Variants in ROBO2 observed in about 807,000 individuals in gnomAD.
ROBO2 encodes roundabout homolog 2.
Under a neutral mutation model 160.8 loss-of-function variants are expected in ROBO2, and 53 were observed. The observed-to-expected ratio is 0.33, with a 90% CI of 0.26 to 0.41. The LOEUF (loss-of-function observed/expected upper bound fraction) is 0.41, where lower values mean the gene tolerates loss of function less well. ROBO2 is among the 10% of genes least tolerant of loss of function. The pLI, the probability that ROBO2 is intolerant of heterozygous loss-of-function variation, is 1.00. For missense variants in ROBO2, 1,577 were observed against 1,722.4 expected, an observed-to-expected ratio of 0.92 and a Z score of 1.49; for synonymous variants, 664 against 611.7, an observed-to-expected ratio of 1.09 and a Z score of -1.26.
intron 2 of ROBO2, among the ~76,000 whole-genome samples, chr3:77,222,391 C>T (rs1233050226): frequency 2.0e-5 from 3 of 152,114 alleles, no homozygotes; most frequent in Non-Finnish European, 4.4e-5. Context: ...TACCGATAAC[C>T]TGTCAGAATT....
At chr3:77,362,720 G>C (rs944137672) in intron 2 of ROBO2, among the ~76,000 whole-genome samples, 1 of 152,092 alleles carries the variant, frequency 6.6e-6, no homozygotes, top group African/African-American at 2.4e-5. Context: ...CCCAAGACTG[G>C]GTAATTTATA....
intron 2 of ROBO2, chr3:76,435,224 A>T (rs2076616355): frequency 9.3e-6 from 14 of 1,508,762 alleles, no homozygotes; most frequent in Admixed American, 1.7e-5. Context: ...TGCCAACCAT[A>T]TCCATCAACA....
chr3:76,512,308 T>TTATATATATATATGTA (rs1553779774), intron 2 of ROBO2, among the ~76,000 whole-genome samples: 1 of 120,642 alleles, frequency 8.3e-6, no homozygotes, highest in Non-Finnish European at 1.8e-5. Flanking sequence ...TTGCAGAAAT[T>TTATATATATATATGTA]TATATATATA....
chr3:77,296,568 C>G (rs1016213155), intron 2 of ROBO2, among the ~76,000 whole-genome samples: 2 of 152,066 alleles, frequency 1.3e-5, no homozygotes, highest in Non-Finnish European at 2.9e-5. Flanking sequence ...AGTCCCATGT[C>G]TAGAGTCTAA....
chr3:76,043,876 T>G (rs1447472519), intron 2 of ROBO2, among the ~76,000 whole-genome samples: 1 of 151,990 alleles, frequency 6.6e-6, no homozygotes, highest in Non-Finnish European at 1.5e-5. Flanking sequence ...CGGATCACTT[T>G]GCCCTGCTGT....
At chr3:77,535,497 C>T (rs138365671) in intron 6 of ROBO2, among the ~76,000 whole-genome samples, 1 of 152,120 alleles carries the variant, frequency 6.6e-6, no homozygotes, top group Non-Finnish European at 1.5e-5. Context: ...AGAAGTTTTT[C>T]ACCACTTTAA....
At chr3:77,441,592 T>A (rs1354947227) in intron 2 of ROBO2, among the ~76,000 whole-genome samples, 1 of 152,080 alleles carries the variant, frequency 6.6e-6, no homozygotes, top group African/African-American at 2.4e-5. Context: ...TAAAATGAGC[T>A]GTACTGCATA....
In ROBO2 at chr3:76,356,353, A is replaced by G. The variant is rs116632966; in HGVS notation, c.109+418751A>G. ...ACAATTATATCAATAATTATGCTAA[A>G]CAGGGATAGAATTAAGAAAAAAAAG... On this transcript the variant is annotated intron_variant, in intron 2 of 26. Coordinates refer to the ROBO2 transcript ENST00000487694. 7.9e-3 allele frequency among the ~76,000 whole-genome samples: 1,200 copies of G among 151,804 alleles called. 14 individuals carry two copies. The highest frequency in any genetic ancestry group is 0.028 in the African/African-American group (1,158 of 41,502).
chr3:77,523,696 T>G (rs761003996), intron 6 of ROBO2, among the ~76,000 whole-genome samples: 7 of 151,378 alleles, frequency 4.6e-5, no homozygotes, highest in Non-Finnish European at 8.9e-5. Flanking sequence ...ACACTCACAC[T>G]AATTCTTGAA....
intron 2 of ROBO2, among the ~76,000 whole-genome samples, chr3:77,203,482 T>A (rs1289821178): frequency 1.3e-5 from 2 of 152,194 alleles, no homozygotes; most frequent in Non-Finnish European, 2.9e-5. Flanking sequence ...ATAAGGAAGA[T>A]TGATGTGTAA....
At chr3:76,325,221 A>G (rs976945089) in intron 2 of ROBO2, among the ~76,000 whole-genome samples, 27 of 152,356 alleles carry the variant, frequency 1.8e-4, no homozygotes, top group African/African-American at 6.0e-4. Flanking sequence ...GTATTTCCAT[A>G]TTTTATAATA....
intron 2 of ROBO2, among the ~76,000 whole-genome samples, chr3:77,315,265 G>A (rs1560513751): frequency 6.6e-6 from 1 of 152,152 alleles, no homozygotes; most frequent in Admixed American, 6.5e-5. Context: ...ACATAAACAA[G>A]CACACAATTT....
At chr3:76,535,599 A>G (rs1177872138) in intron 2 of ROBO2, among the ~76,000 whole-genome samples, 6 of 152,142 alleles carry the variant, frequency 3.9e-5, no homozygotes, top group African/African-American at 1.4e-4. Flanking sequence ...AGGGAAGCAG[A>G]TAATTTGTTT....
chr3:77,469,755 T>A (rs1204665555), intron 2 of ROBO2, among the ~76,000 whole-genome samples: 1 of 152,190 alleles, frequency 6.6e-6, no homozygotes. Flanking sequence ...AAATTGTTCT[T>A]CATAAATGAC....
intron 1 of ROBO2, among the ~76,000 whole-genome samples, chr3:77,082,071 A>G (rs771587721): frequency 6.6e-6 from 1 of 152,208 alleles, no homozygotes; most frequent in South Asian, 2.1e-4. Context: ...ACTAATTGAT[A>G]TAACTTGGTC....
rs143830845 is a variant in ROBO2, at chr3:76,138,091, T to C, written c.109+200489T>C. Among the ~76,000 whole-genome samples, 372 of 152,104 alleles carry C rather than the reference T, an allele frequency of 2.4e-3. 1 individual carries two copies. The highest frequency in any genetic ancestry group is 7.5e-3 in the African/African-American group (310 of 41,546). On this transcript the variant is annotated intron_variant, in intron 2 of 26. Coordinates refer to the ROBO2 transcript ENST00000487694. ...ACTTTATCATCATGTCCTTGGCTCT[T>C]GATGATTGATAAAAAGATAGAAACG...
chr3:76,342,696 T>C (rs1415888306), intron 2 of ROBO2, among the ~76,000 whole-genome samples: 1 of 152,096 alleles, frequency 6.6e-6, no homozygotes, highest in Non-Finnish European at 1.5e-5. Flanking sequence ...AAAAAATCAC[T>C]AGAGTATGGT....
chr3:76,323,108 A>G (rs1440342463), intron 2 of ROBO2, among the ~76,000 whole-genome samples: 1 of 149,932 alleles, frequency 6.7e-6, no homozygotes, highest in Non-Finnish European at 1.5e-5. Flanking sequence ...AGGAAAAACT[A>G]TACTCAAATC....
intron 2 of ROBO2, among the ~76,000 whole-genome samples, chr3:77,107,819 C>A (rs902115970): frequency 6.6e-6 from 1 of 151,954 alleles, no homozygotes; most frequent in Non-Finnish European, 1.5e-5. Flanking sequence ...TAAGTCTGAA[C>A]CAAGATTTTG....
Sources: gnomAD v4.1 joint callset for allele counts (sites outside exome capture counted in the v4.1 genomes callset) on GRCh38, gnomAD v4.1.1 for gene constraint, MANE v1.5 for transcripts, NCBI Gene and HGNC (gene_info 2026-07-23, HGNC 2026-07-21) for gene names.